Variants in GSPT1 observed in about 807,000 individuals in gnomAD.
GSPT1 encodes the protein eukaryotic peptide chain release factor GTP-binding subunit ERF3A.
A neutral mutation model predicts 72.5 loss-of-function variants in GSPT1; 20 were observed. The observed-to-expected ratio is 0.28, with a 90% CI of 0.19 to 0.40. GSPT1 has a LOEUF of 0.40. GSPT1 is among the 10% of genes least tolerant of loss of function. The pLI is 1.00. For missense variants in GSPT1, 580 were observed against 811.9 expected (o/e 0.71, Z 3.47); for synonymous variants, 334 against 293.5 (o/e 1.14, Z -1.41).
intron 11 of GSPT1, among the ~76,000 whole-genome samples, chr16:11,878,557 G>A (rs1217975080): frequency 3.4e-5 from 5 of 147,376 alleles, no homozygotes; most frequent in Non-Finnish European, 4.4e-5. Context: ...TCACACTACC[G>A]CACTGTAGCC....
chr16:11,905,778 T>A (rs868244978), intron 1 of GSPT1, among the ~76,000 whole-genome samples: 1 of 151,990 alleles, frequency 6.6e-6, no homozygotes. Flanking sequence ...GAGGTTGCAG[T>A]GAGCTGAGAT....
At chr16:11,884,531 G>T (rs1276791684) in intron 10 of GSPT1, among the ~76,000 whole-genome samples, 1 of 152,164 alleles carries the variant, frequency 6.6e-6, no homozygotes, top group East Asian at 1.9e-4. Context: ...AAGCCAAGGC[G>T]GGCGGATCAC....
intron 1 of GSPT1, among the ~76,000 whole-genome samples, chr16:11,914,656 G>A (rs33621): frequency 0.28 from 42,576 of 152,132 alleles, 7,052 homozygotes; most frequent in East Asian, 0.62. Context: ...AAAAGTGTAA[G>A]CTTCACTTTA....
At chr16:11,890,849 T>A (rs921826097) in intron 6 of GSPT1, 14 of 359,150 alleles carry the variant, frequency 3.9e-5, no homozygotes, top group African/African-American at 3.0e-4. Flanking sequence ...AACAAGTCTA[T>A]CACCAGATAT....
At chr16:11,884,062 G>A (rs535616904) in intron 10 of GSPT1, among the ~76,000 whole-genome samples, 3 of 152,240 alleles carry the variant, frequency 2.0e-5, no homozygotes, top group East Asian at 1.9e-4. Context: ...AATTTAGAAC[G>A]GAGCTAATTA....
chr16:11,888,587 C>A (rs1046500884), intron 6 of GSPT1, among the ~76,000 whole-genome samples: 1 of 151,944 alleles, frequency 6.6e-6, no homozygotes, highest in African/African-American at 2.4e-5. Flanking sequence ...CATGGTGAGA[C>A]CCCATCTCTA....
intron 1 of GSPT1, among the ~76,000 whole-genome samples, chr16:11,906,705 C>T (rs1417232758): frequency 1.3e-5 from 2 of 152,060 alleles, no homozygotes; most frequent in African/African-American, 4.8e-5. Context: ...TTGGATTATG[C>T]CAGGGTGGTA....
In GSPT1 at chr16:11,877,847, G is replaced by T. The variant is rs911759957; in HGVS notation, c.1429-267C>A. Among the ~76,000 whole-genome samples, 1 of 152,026 alleles carries T rather than the reference G, an allele frequency of 6.6e-6. No individual in the cohort carries two copies. Among genetic ancestry groups the T allele is most frequent in the African/African-American group, 2.4e-5 (1 of 41,392 alleles). On this transcript the variant is annotated intron_variant, in intron 11 of 14. Transcript: ENST00000434724. The surrounding 1 kb of genome is among the most constrained non-coding windows in gnomAD (Gnocchi z 4.0). ...TAGAACACTGTATACACTAGCATTT[G>T]CCTTTTTTTACCTTTTCAAAATCGA...
At chr16:11,908,021 C>A (rs1322028933) in intron 1 of GSPT1, among the ~76,000 whole-genome samples, 1 of 152,100 alleles carries the variant, frequency 6.6e-6, no homozygotes, top group East Asian at 1.9e-4. Flanking sequence ...GTGGGCAGAT[C>A]ACTTGAGGTC....
rs1242594459 is a variant in GSPT1 at position 11,880,335 on chromosome 16, CAGAA to C, written c.1428+2676_1428+2679del. The C allele has an allele frequency of 7.2e-5, 11 of 152,244 alleles. 1 individual carries two copies. Among genetic ancestry groups the C allele is most frequent in the African/African-American group, 2.6e-4 (11 of 41,552 alleles). The allele number at this position is 152,244 out of a possible 1,614,324, so 9.4% of individuals were successfully genotyped here. On this transcript the variant is annotated intron_variant, in intron 11 of 14. Transcript: ENST00000434724. Reference sequence around the variant, plus strand: ...TCTGAGACTCTTTTGGGTATATACTCAGAAAGAGTATTGCTGGATTATGTGGGAA... The same window carrying C: ...TCTGAGACTCTTTTGGGTATATACTCAGAGTATTGCTGGATTATGTGGGAA...
chr16:11,913,973 G>A (rs530076070), intron 1 of GSPT1, among the ~76,000 whole-genome samples: 43 of 152,138 alleles, frequency 2.8e-4, no homozygotes, highest in Non-Finnish European at 4.0e-4. Flanking sequence ...CCTTTACCAC[G>A]AAAGAGCAAA....
chr16:11,905,738 G>A (rs531856077), intron 1 of GSPT1, among the ~76,000 whole-genome samples: 1 of 152,290 alleles, frequency 6.6e-6, no homozygotes, highest in East Asian at 1.9e-4. Context: ...AGGAGGCTGT[G>A]GCGGGAGAAT....
At chr16:11,881,771 C>G (rs985248385) in intron 11 of GSPT1, 1 of 151,014 alleles carries the variant, frequency 6.6e-6, no homozygotes, top group Non-Finnish European at 1.5e-5. Context: ...AAGCAATCCT[C>G]CTGCCTCAAC....
intron 14 of GSPT1, among the ~76,000 whole-genome samples, chr16:11,874,754 T>G (rs191565837): frequency 1.5e-3 from 230 of 152,288 alleles, no homozygotes; most frequent in African/African-American, 5.3e-3. Context: ...CTTAGCACAG[T>G]TCCTGACACT....
chr16:11,885,103 G>T, intron 10 of GSPT1, 78 bp downstream of exon 10: 1 of 717,548 alleles, frequency 1.4e-6, no homozygotes, highest in African/African-American at 1.8e-5. Flanking sequence ...AAGAAAAAAA[G>T]TTTTCAAAAC....
chr16:11,885,345 A>C, intron 9 of GSPT1, 71 bp from the exon 10 acceptor site: 1 of 737,614 alleles, frequency 1.4e-6, no homozygotes, highest in Non-Finnish European at 2.4e-6. Context: ...ACATGACTAT[A>C]AACAGCTTCT....
chr16:11,915,222 T>G (rs1344124851), intron 1 of GSPT1, 147 bp downstream of exon 1: 3 of 1,120,826 alleles, frequency 2.7e-6, no homozygotes, highest in South Asian at 4.4e-5. Context: ...GCTCCCGGGC[T>G]CGGGGCGCCC....
intron 11 of GSPT1, chr16:11,882,382 T>C (rs2054132624): frequency 1.3e-5 from 2 of 152,286 alleles, no homozygotes; most frequent in African/African-American, 2.4e-5. Context: ...AGATACTATA[T>C]ATTCTCATCT....
chr16:11,910,252 G>A (rs2054541569), intron 1 of GSPT1, among the ~76,000 whole-genome samples: 1 of 152,174 alleles, frequency 6.6e-6, no homozygotes, highest in Non-Finnish European at 1.5e-5. Context: ...AGTTTTATGA[G>A]AGTGACAAGA....
Sources: allele counts gnomAD v4.1 joint callset (sites outside exome capture counted in the v4.1 genomes callset), GRCh38; gene constraint gnomAD v4.1.1; non-coding constraint Gnocchi (gnomAD v3.1); transcripts MANE v1.5; gene names NCBI Gene and HGNC (gene_info 2026-07-23, HGNC 2026-07-21).